KIAA1217: variants seen among roughly 807,000 people sequenced by gnomAD.
KIAA1217 encodes the protein sickle tail protein homolog.
Under a neutral mutation model 163.9 loss-of-function variants are expected in KIAA1217, and 88 were observed. The observed-to-expected ratio is 0.54, with a 90% confidence interval of 0.45 to 0.64. The LOEUF is 0.64. Ranked by LOEUF, KIAA1217 falls within the 30% of genes least tolerant of loss-of-function variation. The probability of loss-of-function intolerance (pLI) is 0.00; values close to 1 mark genes in which losing one functional copy is unlikely to be tolerated. For synonymous variants in KIAA1217, 903 were observed against 923.1 expected (o/e 0.98, Z 0.39); for missense variants, 2,372 against 2,475.0 (o/e 0.96, Z 0.88).
intron 2 of KIAA1217, among the ~76,000 whole-genome samples, chr10:24,239,582 C>T (rs1024960212): frequency 2.0e-5 from 3 of 150,786 alleles, no homozygotes; most frequent in Admixed American, 6.6e-5. Context: ...TGATTGTGCC[C>T]GGTGAATACT....
intron 1 of KIAA1217, among the ~76,000 whole-genome samples, chr10:23,989,580 C>T (rs924103909): frequency 6.6e-6 from 1 of 152,074 alleles, no homozygotes; most frequent in Admixed American, 6.6e-5. Flanking sequence ...ATCAGAGAGA[C>T]TTTTTGCTTC....
In KIAA1217 at chr10:24,500,184, A is replaced by AGTGTGTGTGTGTGTGT. The variant is rs57872451; in HGVS notation, c.1835-1176_1835-1161dup. 9.1e-5 allele frequency among the ~76,000 whole-genome samples: 13 copies of AGTGTGTGTGTGTGTGT among 143,258 alleles called. No homozygotes were observed. In the East Asian group the frequency reaches 1.9e-3, roughly 21 times the overall value. 94.0% of individuals were successfully genotyped at this position (143,258 alleles called of 152,430 possible). On this transcript the variant is annotated intron_variant, in intron 8 of 20. Transcript: ENST00000376454. ...TTTACAGGAAAGAGAACTGAACAGA[A>AGTGTGTGTGTGTGTGT]GTGTGTGTGTGTGTGTGTGTGTGTG...
intron 1 of KIAA1217, among the ~76,000 whole-genome samples, chr10:23,933,776 C>T (rs933497317): frequency 3.3e-5 from 5 of 151,998 alleles, no homozygotes; most frequent in Non-Finnish European, 7.4e-5. Context: ...AACCAACAAA[C>T]ATATAAAAAA....
chr10:24,097,108 T>C lies in KIAA1217; in HGVS notation c.-171+89734T>C, dbSNP rs752927787. On this transcript the variant is annotated intron_variant, in intron 2 of 18. Transcript: ENST00000376462. The stretch of plus-strand genomic sequence containing the variant: ...ACATGGCAATCATGTGCAAGAAAGA[T>C]TGGGGAAACCAACAACACTATTATA... Among the ~76,000 whole-genome samples the C allele has an allele frequency of 7.2e-5, 11 of 152,098 alleles. No homozygotes were observed. The South Asian group carries it at 1.2e-3, about 17-fold the overall frequency.
chr10:24,528,077 C>G lies in KIAA1217; in HGVS notation c.3040C>G (p.Leu1014Val), dbSNP rs1172472152. The change falls in exon 14 of 21, where the codon CTG (leucine) becomes GTG (valine). Residue 1014 changes from leucine to valine, a missense_variant. By Grantham distance (32) the Leu-to-Val change is conservative. Around this residue, in one of 3 missense-constraint regions of KIAA1217, gnomAD observed 1,431 missense variants for 1,470.3 expected, o/e 0.97. Coordinates refer to ENST00000376454, the MANE Select transcript of KIAA1217 (RefSeq NM_019590.5). ...NLEMPPATGP[L>V]PRGDAPVDKV... is the part of the protein sequence containing the mutation. The stretch of plus-strand genomic sequence containing the variant: ...GGAGATGCCGCCAGCCACAGGCCCA[C>G]TGCCAAGGGGAGATGCCCCAGTGGA... 6.2e-7 allele frequency: 1 copy of G among 1,614,150 alleles called. No individual in the cohort carries two copies.
chr10:24,062,728 T>G (rs1007259133), intron 2 of KIAA1217, among the ~76,000 whole-genome samples: 11 of 152,154 alleles, frequency 7.2e-5, no homozygotes, highest in African/African-American at 2.4e-4. Flanking sequence ...ACTTCCACAA[T>G]GGTTGAACTA....
intron 2 of KIAA1217, among the ~76,000 whole-genome samples, chr10:24,304,684 G>T (rs1259998545): frequency 6.6e-6 from 1 of 152,158 alleles, no homozygotes; most frequent in Admixed American, 6.5e-5. Context: ...TCTTCTTGGA[G>T]GTTTGGGGAA....
At chr10:24,429,197 T>C (rs1049568713) in intron 3 of KIAA1217, among the ~76,000 whole-genome samples, 1 of 152,186 alleles carries the variant, frequency 6.6e-6, no homozygotes, top group Non-Finnish European at 1.5e-5. Context: ...GAGAAAGCTA[T>C]TGCCTTTCTG....
In KIAA1217 at chr10:24,381,035, G is replaced by A; in HGVS notation, c.521G>A (p.Arg174Lys). 2 of 1,590,826 alleles carry A rather than the reference G, an allele frequency of 1.3e-6. No individual in the cohort carries two copies. Among genetic ancestry groups the A allele is most frequent in the Non-Finnish European group, 1.7e-6 (2 of 1,167,140 alleles). ...SRTRASLPVV[R>K]STNQTKERSL... The stretch of plus-strand genomic sequence containing the variant: ...ACTCGTGCGAGCCTTCCTGTGGTGA[G>A]GTCAACCAACCAGACGAAAGAAAGA... The change falls in exon 3 of 21, where the codon AGG becomes AAG. Residue 174 changes from arginine to lysine, a missense_variant. Transcript: ENST00000376454.
intron 2 of KIAA1217, among the ~76,000 whole-genome samples, chr10:24,300,171 C>T (rs960738075): frequency 2.6e-5 from 4 of 152,312 alleles, no homozygotes; most frequent in African/African-American, 9.6e-5. Flanking sequence ...GTTTGTAAGA[C>T]AACATGAGTT....
exon 1 of KIAA1217, chr10:23,694,761 C>T (rs1835920891): frequency 6.6e-6 from 1 of 152,596 alleles, no homozygotes; most frequent in African/African-American, 2.4e-5. Flanking sequence ...GGGCTGCGCG[C>T]TTCTCGCCAA....
chr10:24,034,140 C>A (rs1406908483), intron 2 of KIAA1217, among the ~76,000 whole-genome samples: 4 of 152,176 alleles, frequency 2.6e-5, no homozygotes, highest in Admixed American at 2.6e-4. Context: ...GTTGGAAGAA[C>A]CCTGTAATAT....
At chr10:23,963,277 C>T (rs1362525947) in intron 1 of KIAA1217, among the ~76,000 whole-genome samples, 2 of 152,166 alleles carry the variant, frequency 1.3e-5, no homozygotes, top group African/African-American at 4.8e-5. Flanking sequence ...TCCCCCACCC[C>T]TTGAGAGGCC....
At chr10:24,182,711 G>A (rs767371768) in intron 2 of KIAA1217, among the ~76,000 whole-genome samples, 1 of 152,168 alleles carries the variant, frequency 6.6e-6, no homozygotes, top group Non-Finnish European at 1.5e-5. Context: ...AGACATACTT[G>A]AGGATATGAG....
chr10:24,331,808 A>G (rs1360146067), intron 2 of KIAA1217, among the ~76,000 whole-genome samples: 1 of 152,132 alleles, frequency 6.6e-6, no homozygotes, highest in Non-Finnish European at 1.5e-5. Flanking sequence ...GGTTTTATTT[A>G]TTTATTTGGA....
Position 24,189,105 on chromosome 10 carries a change from C to CAAA in KIAA1217, c.-170-30509_-170-30507dup, listed in dbSNP as rs1286478652. On this transcript the variant is annotated intron_variant, in intron 2 of 18. Coordinates refer to the KIAA1217 transcript ENST00000376462. ...TGGGTGACAGAGCGAGACTCTGTCTCAAAAAAAAAAAAAAGAAAAGAAAAA... is the reference window on the plus strand; with the variant it reads ...TGGGTGACAGAGCGAGACTCTGTCTCAAAAAAAAAAAAAAAAAGAAAAGAAAAA... 7.7e-5 allele frequency among the ~76,000 whole-genome samples: 5 copies of CAAA among 65,074 alleles called. No homozygotes were observed. In the South Asian group the frequency reaches 1.7e-3, roughly 22 times the overall value. 42.7% of individuals were successfully genotyped at this position (65,074 alleles called of 152,430 possible).
chr10:24,376,676 C>A (rs564352778), intron 2 of KIAA1217, among the ~76,000 whole-genome samples: 2 of 151,872 alleles, frequency 1.3e-5, no homozygotes, highest in Non-Finnish European at 2.9e-5. Context: ...GTGGGAGGAT[C>A]GCTTGAGCCT....
At chr10:24,293,624 AT>A (rs2079341467) in intron 2 of KIAA1217, among the ~76,000 whole-genome samples, 1 of 152,184 alleles carries the variant, frequency 6.6e-6, no homozygotes. Context: ...TGCCCTGAGC[AT>A]TCCCCTTTGG....
intron 2 of KIAA1217, among the ~76,000 whole-genome samples, chr10:24,095,004 C>T (rs1488760807): frequency 6.6e-6 from 1 of 152,204 alleles, no homozygotes; most frequent in East Asian, 1.9e-4. Context: ...TGCTAGCAAT[C>T]AGTGAGACTC....
Sources: gnomAD v4.1 joint callset for allele counts (sites outside exome capture counted in the v4.1 genomes callset) on GRCh38, gnomAD v4.1.1 for gene constraint, gnomAD v4.1.1 regional missense constraint, MANE v1.5 for transcripts, NCBI Gene and HGNC (gene_info 2026-07-23, HGNC 2026-07-21) for gene names.